DLC1: variants seen among roughly 807,000 people sequenced by gnomAD.
The protein encoded by DLC1 is DLC1 Rho GTPase activating protein, also known as rho GTPase-activating protein 7.
Under a neutral mutation model 140.3 loss-of-function variants are expected in DLC1, and 54 were observed. The ratio of observed to expected loss-of-function variants is 0.38; its 90% confidence interval spans 0.31 to 0.48. The LOEUF is 0.48. DLC1 is among the 20% of genes least tolerant of loss of function. DLC1 has a pLI of 0.96. For synonymous variants in DLC1, 986 were observed against 728.1 expected, an observed-to-expected ratio of 1.35 and a Z score of -5.70; for missense variants, 2,536 against 1,907.0, an observed-to-expected ratio of 1.33 and a Z score of -6.14.
At chr8:13,378,334 C>A (rs567185540) in intron 4 of DLC1, among the ~76,000 whole-genome samples, 3 of 151,396 alleles carry the variant, frequency 2.0e-5, no homozygotes, top group African/African-American at 7.3e-5. Flanking sequence ...TATCTAAATG[C>A]GATAGAATTT....
At position 13,099,838 on chromosome 8, in the gene DLC1, G is replaced by A. The variant is rs758299921; in HGVS notation, c.2499C>T (p.Asn833=). 2.5e-6 allele frequency: 4 copies of A among 1,614,196 alleles called. No individual in the cohort carries two copies. The highest frequency in any genetic ancestry group is 1.3e-5 in the African/African-American group (1 of 75,056). ...TTCCCGTCCTCCAGTTCACAGAGCC[G>A]TTATTCCCCGAGGGGGAGAAACTGC... ...TNGSFSPSGN[N]GSVNWRTGSF... Residue 833 remains asparagine (N), a synonymous_variant, in exon 9 of 18, where the codon AAC becomes AAT. Transcript: ENST00000276297.
At chr8:13,478,859 T>C (rs939706384) in intron 2 of DLC1, among the ~76,000 whole-genome samples, 2 of 152,254 alleles carry the variant, frequency 1.3e-5, no homozygotes, top group African/African-American at 4.8e-5. Context: ...TTTTTGTTCT[T>C]GAACCCACTG....
intron 5 of DLC1, among the ~76,000 whole-genome samples, chr8:13,121,275 G>T (rs1242106456): frequency 2.6e-5 from 4 of 152,136 alleles, no homozygotes; most frequent in Non-Finnish European, 4.4e-5. Flanking sequence ...TCCAAACCAA[G>T]ATGCATTCTC....
At chr8:13,165,167 AT>A (rs1825020486) in intron 5 of DLC1, among the ~76,000 whole-genome samples, 1 of 152,148 alleles carries the variant, frequency 6.6e-6, no homozygotes, top group Non-Finnish European at 1.5e-5. Flanking sequence ...CCTATGCAAT[AT>A]TTGATATATA....
At chr8:13,395,376 C>A (rs925701328) in intron 3 of DLC1, among the ~76,000 whole-genome samples, 1 of 152,164 alleles carries the variant, frequency 6.6e-6, no homozygotes, top group Non-Finnish European at 1.5e-5. Context: ...CCGCCTTGGC[C>A]TCCCAAAAGC....
intron 10 of DLC1, chr8:13,095,556 G>A (rs1467686277): frequency 2.4e-5 from 7 of 288,182 alleles, no homozygotes; most frequent in South Asian, 2.1e-4. Context: ...TGACAGGTCC[G>A]TTTCCTCAGT....
chr8:13,422,382 A>G (rs1838355766), intron 2 of DLC1, among the ~76,000 whole-genome samples: 1 of 151,770 alleles, frequency 6.6e-6, no homozygotes, highest in Non-Finnish European at 1.5e-5. Flanking sequence ...TTTCAACACT[A>G]GAAAGGAATT....
chr8:13,450,144 G>T (rs1289682186), intron 2 of DLC1, among the ~76,000 whole-genome samples: 2 of 151,788 alleles, frequency 1.3e-5, no homozygotes, highest in Non-Finnish European at 2.9e-5. Context: ...GAGTAAAATA[G>T]ATCATAATTA....
At chr8:13,574,395 A>AAT (rs1338462031) in intron 1 of DLC1, among the ~76,000 whole-genome samples, 3 of 152,136 alleles carry the variant, frequency 2.0e-5, no homozygotes, top group South Asian at 2.1e-4. Flanking sequence ...CAAACTTAAT[A>AAT]TATGTTTTTT....
chr8:13,135,204 CTT>C lies in DLC1; in HGVS notation c.1349-19549_1349-19548del, dbSNP rs548207973. On this transcript the variant is annotated intron_variant, in intron 5 of 17. Coordinates refer to ENST00000276297, the MANE Select transcript of DLC1 (RefSeq NM_182643.3). ...TTAGGAGTGATAAACAGTGAGAAGC[CTT>C]TTTTTTTTTTTTTTTTGAGACAAAG... is the stretch of plus-strand genomic sequence containing the variant. Among the ~76,000 whole-genome samples, 597 of 131,100 alleles carry C rather than the reference CTT, an allele frequency of 4.6e-3. 1 individual carries two copies. Among genetic ancestry groups the C allele is most frequent in the African/African-American group, 0.014 (470 of 34,430 alleles). 86.0% of individuals were successfully genotyped at this position (131,100 alleles called of 152,430 possible).
chr8:13,136,388 T>C (rs1052874720), intron 5 of DLC1, among the ~76,000 whole-genome samples: 1 of 152,144 alleles, frequency 6.6e-6, no homozygotes, highest in Non-Finnish European at 1.5e-5. Flanking sequence ...TTTATGTCCA[T>C]GAGTACTCAG....
chr8:13,354,730 AGCACAGGAGTTCAAGACCAGC>A (rs1834840409), intron 4 of DLC1, among the ~76,000 whole-genome samples: 1 of 151,204 alleles, frequency 6.6e-6, no homozygotes, highest in Admixed American at 6.6e-5. Context: ...GGATTGCTTG[AGCACAGGAGTTCAAGACCAGC>A]CTGAGCAACA....
At chr8:13,422,091 G>C (rs1413008680) in intron 2 of DLC1, among the ~76,000 whole-genome samples, 1 of 152,078 alleles carries the variant, frequency 6.6e-6, no homozygotes, top group African/African-American at 2.4e-5. Flanking sequence ...TAAATCTTTT[G>C]AGTCAGAGAG....
At chr8:13,498,460 G>C (rs375872664) in intron 2 of DLC1, among the ~76,000 whole-genome samples, 6 of 152,282 alleles carry the variant, frequency 3.9e-5, no homozygotes, top group African/African-American at 1.4e-4. Flanking sequence ...TTAAGTAACA[G>C]TTGTGGCAAG....
chr8:13,510,359 G>T (rs1871814), intron 1 of DLC1, among the ~76,000 whole-genome samples: 11,124 of 151,826 alleles, frequency 0.073, 578 homozygotes, highest in East Asian at 0.17. Context: ...GTATTTTCAG[G>T]AGAGATGGGG....
intron 6 of DLC1, among the ~76,000 whole-genome samples, chr8:13,113,752 T>G (rs1173920775): frequency 6.6e-6 from 1 of 152,092 alleles, no homozygotes; most frequent in African/African-American, 2.4e-5. Context: ...AACTTCTCTC[T>G]AAAGGAAAGA....
intron 5 of DLC1, among the ~76,000 whole-genome samples, chr8:13,153,638 C>T (rs576500618): frequency 1.5e-4 from 23 of 152,326 alleles, no homozygotes; most frequent in African/African-American, 5.5e-4. Context: ...CGTTTACAAT[C>T]CCTGAGCTAG....
intron 4 of DLC1, among the ~76,000 whole-genome samples, chr8:13,318,295 A>G (rs1832938807): frequency 6.6e-6 from 1 of 151,998 alleles, no homozygotes. Context: ...TGGCTTCCCA[A>G]AGTTCTGGGA....
At chr8:13,453,537 TACATATATATATATATATA>T (rs1799247843) in intron 2 of DLC1, among the ~76,000 whole-genome samples, 1 of 51,470 alleles carries the variant, frequency 1.9e-5, no homozygotes, top group African/African-American at 1.1e-4. Context: ...TGTATATATA[TACATATATATATATATATA>T]TTTTTTTTTT....
Sources: allele counts gnomAD v4.1 joint callset (sites outside exome capture counted in the v4.1 genomes callset), GRCh38; gene constraint gnomAD v4.1.1; transcripts MANE v1.5; gene names NCBI Gene and HGNC (gene_info 2026-07-23, HGNC 2026-07-21).